The following TOGARAM2 variants were observed in gnomAD, a reference collection of about 807,000 sequenced individuals.
TOGARAM2 encodes TOG array regulator of axonemal microtubules protein 2.
A neutral mutation model predicts 93.3 loss-of-function variants in TOGARAM2; 85 were observed. The ratio of observed to expected loss-of-function variants is 0.91; its 90% confidence interval spans 0.76 to 1.09. The LOEUF (loss-of-function observed/expected upper bound fraction) is 1.09. Among genes scored for constraint, TOGARAM2 ranks in the 50% least tolerant of loss-of-function variants. The pLI is 0.00. For synonymous variants in TOGARAM2, 593 were observed against 552.8 expected, an observed-to-expected ratio of 1.07 and a Z score of -1.02; for missense variants, 1,277 against 1,334.5, an observed-to-expected ratio of 0.96 and a Z score of 0.67.
chr2:29,027,218 C>T (rs1458593608), intron 14 of TOGARAM2, among the ~76,000 whole-genome samples: 1 of 152,240 alleles, frequency 6.6e-6, no homozygotes. Context: ...CCTGCCTCCA[C>T]TTTCTGGTCT....
At position 29,011,466 on chromosome 2, in the gene TOGARAM2, G is replaced by A. The variant is rs1372519782; in HGVS notation, c.842G>A (p.Gly281Glu). 2 of 1,609,308 alleles carry A rather than the reference G, an allele frequency of 1.2e-6. No homozygotes were observed. The highest frequency in any genetic ancestry group is 1.7e-5 in the Admixed American group (1 of 58,972). ...LRAPRTRLAR[G>E]SGPREKTPAS... ...CCCGTTCTTTTAAGATTGGCTCGGG[G>A]GAGTGGGCCTCGGGAGAAGACCCCT... Residue 281 changes from glycine (G) to glutamate (E), a missense_variant, in exon 7 of 20, where the codon GGG becomes GAG. Transcript: ENST00000379558.
At chr2:28,996,716 G>T (rs1041488884) in intron 2 of TOGARAM2, among the ~76,000 whole-genome samples, 1 of 150,936 alleles carries the variant, frequency 6.6e-6, no homozygotes, top group Non-Finnish European at 1.5e-5. Context: ...CCAGCTACTA[G>T]GGGGAGCTGA....
At chr2:28,978,753 T>C (rs566070455), upstream of TOGARAM2, among the ~76,000 whole-genome samples, 5 of 152,138 alleles carry the variant, frequency 3.3e-5, no homozygotes, top group South Asian at 1.0e-3. Flanking sequence ...TATTTGTTCA[T>C]CGGTTCTGGG....
chr2:28,964,626 G>T (rs1671843201), intron 1 of TOGARAM2, among the ~76,000 whole-genome samples: 1 of 151,872 alleles, frequency 6.6e-6, no homozygotes, highest in Non-Finnish European at 1.5e-5. Context: ...TTTTCCTAAA[G>T]CTCTCCCTCC....
chr2:29,018,917 T>C (rs1458205492), intron 10 of TOGARAM2, among the ~76,000 whole-genome samples: 1 of 152,132 alleles, frequency 6.6e-6, no homozygotes, highest in African/African-American at 2.4e-5. Context: ...TGCCTACAAA[T>C]TTTTTAGCTA....
At position 29,052,165 on chromosome 2, in the gene TOGARAM2, C is replaced by T; in HGVS notation, c.*72C>T. On this transcript the variant is annotated 3_prime_UTR_variant, in exon 20 of 20. Transcript: ENST00000379558. ...GGACTATTCTCCTGGTTACTTTCCC[C>T]CTTAGAGTTCCAGATGTACATGGTA... The T allele has an allele frequency of 2.5e-6, 3 of 1,211,178 alleles. No homozygotes were observed. Among genetic ancestry groups the T allele is most frequent in the East Asian group, 2.7e-5 (1 of 37,692 alleles). The allele number at this position is 1,211,178 out of a possible 1,614,324, so 75.0% of individuals were successfully genotyped here.
Position 29,025,081 on chromosome 2 carries a change from G to A in TOGARAM2, c.1853+707G>A. Among the ~76,000 whole-genome samples the A allele has an allele frequency of 1.3e-5, 2 of 152,170 alleles. 1 individual carries two copies. The highest frequency in any genetic ancestry group is 3.9e-4 in the East Asian group (2 of 5,194). ...AGTGGATCATTACACTGATGCGTGAGGTTTCTCAGTAGCCCCAGGGGCCTG... is the reference window on the plus strand; with the variant it reads ...AGTGGATCATTACACTGATGCGTGAAGTTTCTCAGTAGCCCCAGGGGCCTG... On this transcript the variant is annotated intron_variant, in intron 13 of 19. Transcript: ENST00000379558.
chr2:28,978,669 T>C (rs551440951), upstream of TOGARAM2, among the ~76,000 whole-genome samples: 28 of 152,274 alleles, frequency 1.8e-4, no homozygotes, highest in South Asian at 5.2e-3. Context: ...GGGCTACTTA[T>C]TTGGTACTTT....
chr2:29,035,429 C>T (rs1572766649), intron 16 of TOGARAM2, 35 bp from the exon 17 acceptor site: 1 of 1,325,614 alleles, frequency 7.5e-7, no homozygotes. Flanking sequence ...CCGGGCTCTT[C>T]CCTGGGGGGT....
At chr2:29,032,823 G>T (rs1558457459) in intron 14 of TOGARAM2, 111 bp from the exon 15 acceptor site, 1 of 846,574 alleles carries the variant, frequency 1.2e-6, no homozygotes, top group South Asian at 1.8e-5. Context: ...TTTGTAATTA[G>T]AAAAAGTATT....
chr2:28,973,426 C>CCCTTCCTTCCCTTCCCCTT (rs1671979728), intron 1 of TOGARAM2, among the ~76,000 whole-genome samples: 1 of 117,508 alleles, frequency 8.5e-6, no homozygotes, highest in Non-Finnish European at 1.7e-5. Flanking sequence ...CTTCTTTCCT[C>CCCTTCCTTCCCTTCCCCTT]CCTTCCTTCC....
intron 4 of TOGARAM2, among the ~76,000 whole-genome samples, chr2:29,001,754 A>G (rs1004159060): frequency 1.3e-5 from 2 of 152,110 alleles, no homozygotes; most frequent in Non-Finnish European, 2.9e-5. Context: ...TCGGCCTCCC[A>G]AAGTGTGTGG....
intron 1 of TOGARAM2, among the ~76,000 whole-genome samples, chr2:28,990,615 C>T (rs1358787759): frequency 1.3e-5 from 2 of 152,218 alleles, no homozygotes; most frequent in Non-Finnish European, 2.9e-5. Context: ...TTTGATCCTA[C>T]TTCCAGGCCC....
intron 19 of TOGARAM2, chr2:29,047,367 C>G (rs1440275450): frequency 2.0e-5 from 3 of 152,232 alleles, no homozygotes; most frequent in African/African-American, 7.2e-5. Context: ...AGTATCTTCA[C>G]CTTATCCACT....
At chr2:29,023,989 G>A (rs1665148095) in intron 12 of TOGARAM2, 150 bp from the exon 13 acceptor site, 1 of 627,710 alleles carries the variant, frequency 1.6e-6, no homozygotes, top group South Asian at 2.0e-5. Flanking sequence ...GCTCAGAGTG[G>A]CTGCAGGGTT....
chr2:28,989,520 C>T (rs1248038959), intron 1 of TOGARAM2, among the ~76,000 whole-genome samples: 1 of 152,138 alleles, frequency 6.6e-6, no homozygotes, highest in Non-Finnish European at 1.5e-5. Flanking sequence ...GCCTCAGCAC[C>T]CCCAAGTAAC....
intron 13 of TOGARAM2, among the ~76,000 whole-genome samples, chr2:29,025,451 G>C (rs1279727694): frequency 6.6e-6 from 1 of 152,068 alleles, no homozygotes; most frequent in African/African-American, 2.4e-5. Flanking sequence ...GAATAGTGAT[G>C]ATAATAGTAG....
chr2:28,957,028 C>T (rs867236499), intron 1 of TOGARAM2, among the ~76,000 whole-genome samples: 2 of 151,436 alleles, frequency 1.3e-5, no homozygotes, highest in Admixed American at 6.6e-5. Context: ...TGCTTGAATC[C>T]GGGAGGCGGA....
At chr2:28,996,398 C>G (rs1422649373) in intron 2 of TOGARAM2, among the ~76,000 whole-genome samples, 3 of 152,152 alleles carry the variant, frequency 2.0e-5, no homozygotes, top group East Asian at 1.9e-4. Flanking sequence ...CATTCCACCC[C>G]CTTCTCTTCC....
Sources: gnomAD v4.1 joint callset for allele counts (sites outside exome capture counted in the v4.1 genomes callset) on GRCh38, gnomAD v4.1.1 for gene constraint, MANE v1.5 for transcripts, NCBI Gene and HGNC (gene_info 2026-07-23, HGNC 2026-07-21) for gene names.